The following DCDC1 variants were observed in gnomAD, a reference collection of about 807,000 sequenced individuals.
DCDC1 encodes doublecortin domain containing 1.
A neutral mutation model predicts 178.3 loss-of-function variants in DCDC1; 200 were observed. The ratio of observed to expected loss-of-function variants is 1.12; its 90% CI spans 1.00 to 1.26. The LOEUF (loss-of-function observed/expected upper bound fraction) is 1.26, where lower values mean the gene tolerates loss of function less well. Among genes scored for constraint, DCDC1 ranks in the 50% most tolerant of loss-of-function variants. The probability of loss-of-function intolerance (pLI) is 0.00; values close to 1 mark genes in which losing one functional copy is unlikely to be tolerated. For missense variants in DCDC1, 1,983 were observed against 1,749.2 expected, an observed-to-expected ratio of 1.13 and a Z score of -2.38; for synonymous variants, 690 against 604.8, an observed-to-expected ratio of 1.14 and a Z score of -2.07.
At chr11:31,045,013 A>C (rs760621737) in intron 20 of DCDC1, among the ~76,000 whole-genome samples, 1 of 152,212 alleles carries the variant, frequency 6.6e-6, no homozygotes, top group Non-Finnish European at 1.5e-5. Context: ...CAACCTTGGA[A>C]TAATGAAATC....
intron 2 of DCDC1, among the ~76,000 whole-genome samples, chr11:31,332,921 A>T (rs1233408364): frequency 1.3e-5 from 2 of 152,180 alleles, no homozygotes; most frequent in African/African-American, 2.4e-5. Context: ...GCTGAGTTCA[A>T]GTCCTGGATA....
At chr11:31,138,252 T>C (rs1963400562) in intron 9 of DCDC1, among the ~76,000 whole-genome samples, 1 of 152,186 alleles carries the variant, frequency 6.6e-6, no homozygotes, top group African/African-American at 2.4e-5. Context: ...TAATATTTCA[T>C]GACAAAGGAT....
intron 7 of DCDC1, among the ~76,000 whole-genome samples, chr11:31,288,529 T>C (rs925217936): frequency 1.3e-5 from 2 of 151,918 alleles, no homozygotes; most frequent in African/African-American, 2.4e-5. Context: ...GGCTCTATTC[T>C]GTGCTCAGAG....
At chr11:31,350,405 A>G (rs1445115496) in intron 1 of DCDC1, among the ~76,000 whole-genome samples, 4 of 152,150 alleles carry the variant, frequency 2.6e-5, no homozygotes, top group Non-Finnish European at 2.9e-5. Context: ...AATTCCTAAA[A>G]TATAGAATAT....
chr11:31,104,589 G>A (rs1187684341), intron 13 of DCDC1, among the ~76,000 whole-genome samples: 2 of 152,030 alleles, frequency 1.3e-5, no homozygotes, highest in Admixed American at 6.6e-5. Flanking sequence ...TTTGGATACT[G>A]GATTACAAAA....
chr11:30,960,912 T>G (rs1413806728), intron 20 of DCDC1, among the ~76,000 whole-genome samples: 1 of 152,130 alleles, frequency 6.6e-6, no homozygotes, highest in Non-Finnish European at 1.5e-5. Flanking sequence ...GAGTATCTAC[T>G]TCCATGGATA....
At chr11:31,354,157 G>T (rs976816880) in intron 1 of DCDC1, among the ~76,000 whole-genome samples, 1 of 152,102 alleles carries the variant, frequency 6.6e-6, no homozygotes, top group Non-Finnish European at 1.5e-5. Context: ...GTGGTGGCAT[G>T]TGCCTGTAGT....
At position 31,222,587 on chromosome 11, in the gene DCDC1, G is replaced by A. The variant is rs1314812168; in HGVS notation, c.1221+18863C>T. On this transcript the variant is annotated intron_variant, in intron 9 of 38. Coordinates refer to ENST00000684477, the MANE Select transcript of DCDC1 (RefSeq NM_001387274.1). Reference sequence around the variant, plus strand: ...AGGCTGCTATAACAAGCTACCATAGGCTGGGTGATTTAAACAGGGAAATTT... The same window carrying A: ...AGGCTGCTATAACAAGCTACCATAGACTGGGTGATTTAAACAGGGAAATTT... Among the ~76,000 whole-genome samples, 3 of 152,274 alleles carry A rather than the reference G, an allele frequency of 2.0e-5. No individual in the cohort carries two copies. In the East Asian group the frequency reaches 5.8e-4, roughly 29 times the overall value.
chr11:31,225,723 A>T (rs1369779978), intron 9 of DCDC1, among the ~76,000 whole-genome samples: 1 of 150,776 alleles, frequency 6.6e-6, no homozygotes, highest in African/African-American at 2.4e-5. Context: ...ATATATATCT[A>T]TATCTACCTA....
At chr11:31,307,990 G>T (rs556693487) in intron 3 of DCDC1, 82 bp from the exon 4 acceptor site, 3 of 1,544,496 alleles carry the variant, frequency 1.9e-6, no homozygotes, top group South Asian at 2.4e-5. Flanking sequence ...AACGAGTTGT[G>T]TGCTATGTGC....
intron 13 of DCDC1, 148 bp downstream of exon 13, chr11:31,106,649 A>G: frequency 1.6e-6 from 1 of 631,760 alleles, no homozygotes; most frequent in South Asian, 1.9e-5. Context: ...CACCAACAAT[A>G]CTGCCTTGCA....
At chr11:31,325,735 A>C (rs910006259) in intron 3 of DCDC1, among the ~76,000 whole-genome samples, 8 of 152,150 alleles carry the variant, frequency 5.3e-5, no homozygotes, top group Non-Finnish European at 7.4e-5. Context: ...ATATTTTGTA[A>C]AAAGTACAGT....
intron 7 of DCDC1, among the ~76,000 whole-genome samples, chr11:31,276,154 GA>G (rs11288404): frequency 0.33 from 49,780 of 152,044 alleles, 8,854 homozygotes; most frequent in East Asian, 0.63. Flanking sequence ...CTAACTGACA[GA>G]AAAATACATT....
At chr11:31,244,794 G>T (rs1977625645) in intron 8 of DCDC1, among the ~76,000 whole-genome samples, 1 of 151,736 alleles carries the variant, frequency 6.6e-6, no homozygotes. Flanking sequence ...TTATGTGGAT[G>T]ATTACTTTTC....
At chr11:31,021,870 T>C (rs970105444) in intron 20 of DCDC1, among the ~76,000 whole-genome samples, 3 of 152,124 alleles carry the variant, frequency 2.0e-5, no homozygotes, top group African/African-American at 7.2e-5. Flanking sequence ...GAAACCCTTA[T>C]TATATAAGTG....
At chr11:31,144,885 T>C (rs1052910264) in intron 9 of DCDC1, among the ~76,000 whole-genome samples, 1 of 152,142 alleles carries the variant, frequency 6.6e-6, no homozygotes, top group African/African-American at 2.4e-5. Flanking sequence ...AGTTCCTTTT[T>C]GAGGTATAGT....
At chr11:30,972,433 G>A (rs1949855484) in intron 20 of DCDC1, among the ~76,000 whole-genome samples, 1 of 152,048 alleles carries the variant, frequency 6.6e-6, no homozygotes, top group African/African-American at 2.4e-5. Context: ...GAGAAAATTT[G>A]TTATCACTAG....
chr11:31,256,232 T>C (rs1259145081), intron 8 of DCDC1, among the ~76,000 whole-genome samples: 1 of 152,204 alleles, frequency 6.6e-6, no homozygotes, highest in Non-Finnish European at 1.5e-5. Flanking sequence ...GTAGTTTTAC[T>C]TGTAGTAAGT....
intron 8 of DCDC1, among the ~76,000 whole-genome samples, chr11:31,255,272 C>T: frequency 6.6e-6 from 1 of 152,104 alleles, no homozygotes; most frequent in African/African-American, 2.4e-5. Flanking sequence ...TGTACATATA[C>T]TTGTTTGAGT....
Sources: allele counts gnomAD v4.1 joint callset (sites outside exome capture counted in the v4.1 genomes callset), GRCh38; gene constraint gnomAD v4.1.1; transcripts MANE v1.5; gene names NCBI Gene and HGNC (gene_info 2026-07-23, HGNC 2026-07-21).